The following DAOA variants were observed in gnomAD, a reference collection of about 807,000 sequenced individuals.
DAOA encodes the protein D-amino acid oxidase regulator.
DAOA carries 15 observed loss-of-function variants against 16.4 expected under a neutral mutation model. The observed-to-expected ratio is 0.91, with a 90% CI of 0.61 to 1.41. The LOEUF (loss-of-function observed/expected upper bound fraction) is 1.41, where lower values mean the gene tolerates loss of function less well. Among genes scored for constraint, DAOA ranks in the 40% most tolerant of loss-of-function variants. The pLI is 0.00. For missense variants in DAOA, 230 were observed against 176.8 expected (o/e 1.30, Z -1.71); for synonymous variants, 75 against 59.1 (o/e 1.27, Z -1.23).
intron 4 of DAOA, among the ~76,000 whole-genome samples, chr13:105,481,653 C>T (rs1418354647): frequency 2.6e-5 from 4 of 152,148 alleles, no homozygotes; most frequent in Non-Finnish European, 5.9e-5. Flanking sequence ...ATGAGGAAAA[C>T]TCATTCCTCT....
chr13:105,473,296 CTTTTTTTGCCTCTTATGATAAT>C (rs1566375645), intron 4 of DAOA, among the ~76,000 whole-genome samples: 1 of 151,914 alleles, frequency 6.6e-6, no homozygotes, highest in African/African-American at 2.4e-5. Flanking sequence ...TGCTATCTAT[CTTTTTTTGCCTCTTATGATAAT>C]TATTTAATTA....
At chr13:105,465,979 A>G (rs1876484476), upstream of DAOA, 1 of 290,036 alleles carries the variant, frequency 3.4e-6, no homozygotes, top group East Asian at 6.2e-5. Context: ...ATCTTGAGTT[A>G]ATTTCCCACG....
At chr13:105,466,556 A>G in intron 2 of DAOA, 1 of 654,084 alleles carries the variant, frequency 1.5e-6, no homozygotes, top group Non-Finnish European at 2.5e-6. Flanking sequence ...GAGGAGACAT[A>G]GGCCCTCACC....
intron 3 of DAOA, among the ~76,000 whole-genome samples, chr13:105,471,249 T>C (rs906623690): frequency 6.6e-6 from 1 of 152,208 alleles, no homozygotes; most frequent in African/African-American, 2.4e-5. Context: ...AAAATACAGT[T>C]TGATAATTGA....
intron 2 of DAOA, 141 bp from the exon 3 acceptor site, chr13:105,466,912 A>C: frequency 2.6e-6 from 3 of 1,135,956 alleles, no homozygotes; most frequent in Non-Finnish European, 3.4e-6. Context: ...AATAAGACGT[A>C]TTTGGCTGAA....
At chr13:105,472,267 G>A (rs939235307) in intron 3 of DAOA, among the ~76,000 whole-genome samples, 1 of 152,128 alleles carries the variant, frequency 6.6e-6, no homozygotes, top group Admixed American at 6.5e-5. Context: ...TGATATTTTT[G>A]TTTTACTGTA....
At chr13:105,479,701 T>A (rs1877574289) in intron 4 of DAOA, among the ~76,000 whole-genome samples, 2 of 152,168 alleles carry the variant, frequency 1.3e-5, no homozygotes, top group Non-Finnish European at 2.9e-5. Flanking sequence ...TCATCTTAAC[T>A]AAGTACATCC....
chr13:105,466,050 G>A lies in DAOA; in HGVS notation c.-84G>A, dbSNP rs949953750. 7 of 433,072 alleles carry A rather than the reference G, an allele frequency of 1.6e-5. No homozygotes were observed. The highest frequency in any genetic ancestry group is 5.6e-4 in the Middle Eastern group (1 of 1,786). 26.8% of individuals were successfully genotyped at this position (433,072 alleles called of 1,614,324 possible). A position where few individuals can be genotyped will look rare whatever the true frequency, so the allele number is the denominator to read the frequency against. ...AAAGCCAGAAAGTAGAGTGAAGCAA[G>A]TAATGTGTGTGTGAGTAGTCATTGG... On this transcript the variant is annotated 5_prime_UTR_variant, in exon 1 of 6. Coordinates refer to ENST00000375936, the MANE Select transcript of DAOA (RefSeq NM_172370.5).
chr13:105,477,928 T>A (rs1877450355), intron 4 of DAOA, among the ~76,000 whole-genome samples: 2 of 152,326 alleles, frequency 1.3e-5, no homozygotes, highest in South Asian at 4.1e-4. Flanking sequence ...TCATTAAAAA[T>A]TTATTTAACT....
intron 3 of DAOA, among the ~76,000 whole-genome samples, chr13:105,469,489 T>G (rs1316205469): frequency 6.6e-6 from 1 of 152,196 alleles, no homozygotes; most frequent in East Asian, 1.9e-4. Context: ...TGGTGAAAAT[T>G]TTAAACATTT....
intron 4 of DAOA, among the ~76,000 whole-genome samples, chr13:105,476,213 G>A (rs879358885): frequency 1.3e-5 from 2 of 152,038 alleles, no homozygotes; most frequent in Admixed American, 1.3e-4. Flanking sequence ...TCTGAAACTT[G>A]AACTTATCAA....
chr13:105,475,489 G>A (rs1394146603), intron 4 of DAOA, among the ~76,000 whole-genome samples: 2 of 151,782 alleles, frequency 1.3e-5, no homozygotes, highest in East Asian at 3.9e-4. Context: ...TGGTTCTCTT[G>A]TCAGAGGAGT....
intron 3 of DAOA, among the ~76,000 whole-genome samples, chr13:105,469,357 G>T (rs1177032081): frequency 3.3e-5 from 5 of 151,994 alleles, no homozygotes; most frequent in African/African-American, 1.2e-4. Flanking sequence ...TATTTTATTT[G>T]GGCTTTATTT....
At chr13:105,471,300 A>C (rs1185635993) in intron 3 of DAOA, among the ~76,000 whole-genome samples, 1 of 150,008 alleles carries the variant, frequency 6.7e-6, no homozygotes, top group Non-Finnish European at 1.5e-5. Context: ...GTCAAACCGA[A>C]TGTGTGGCAA....
intron 4 of DAOA, 150 bp from the exon 5 acceptor site, chr13:105,489,751 G>T (rs1204037202): frequency 2.0e-6 from 3 of 1,523,228 alleles, no homozygotes; most frequent in East Asian, 4.7e-5. Context: ...CTTCTTGGTG[G>T]TCACACATTT....
chr13:105,480,309 A>G (rs1205072354), intron 4 of DAOA, among the ~76,000 whole-genome samples: 1 of 152,062 alleles, frequency 6.6e-6, no homozygotes, highest in African/African-American at 2.4e-5. Context: ...GAACTAGCAG[A>G]TACAATATTT....
At position 105,467,050 on chromosome 13, in the gene DAOA, T is replaced by C; in HGVS notation, c.45-3T>C. The C allele has an allele frequency of 6.2e-7, 1 of 1,607,960 alleles. No homozygotes were observed. On this transcript the variant is annotated splice_polypyrimidine_tract_variant and splice_region_variant and intron_variant, in intron 2 of 5. Coordinates refer to ENST00000375936, the MANE Select transcript of DAOA (RefSeq NM_172370.5). ...CACGACTGATATTTTCTTTAATTTTTAGATCCAGATATACATTGGGTAAAA... is the reference window on the plus strand; with the variant it reads ...CACGACTGATATTTTCTTTAATTTTCAGATCCAGATATACATTGGGTAAAA...
intron 2 of DAOA, 124 bp from the exon 3 acceptor site, chr13:105,466,929 A>G: frequency 8.0e-7 from 1 of 1,250,806 alleles, no homozygotes; most frequent in Non-Finnish European, 1.0e-6. Context: ...TGAATAGTTA[A>G]GATTAAAAAT....
intron 3 of DAOA, among the ~76,000 whole-genome samples, chr13:105,470,797 C>G: frequency 1.7e-5 from 1 of 58,484 alleles, no homozygotes; most frequent in Admixed American, 2.1e-4. Flanking sequence ...TTTCTTTTTT[C>G]TTTTTTCTTT....
Sources: gnomAD v4.1 joint callset for allele counts (sites outside exome capture counted in the v4.1 genomes callset) on GRCh38, gnomAD v4.1.1 for gene constraint, MANE v1.5 for transcripts, NCBI Gene and HGNC (gene_info 2026-07-23, HGNC 2026-07-21) for gene names.